PTPRA: variants seen among roughly 807,000 people sequenced by gnomAD.
PTPRA encodes the protein protein tyrosine phosphatase receptor type A.
In PTPRA, 25 loss-of-function variants were observed where a neutral mutation model predicts 104.8. The observed-to-expected ratio is 0.24, with a 90% CI of 0.17 to 0.33. The LOEUF is 0.33. Ranked by LOEUF, PTPRA falls within the 10% of genes least tolerant of loss-of-function variation. The pLI is 1.00. For synonymous variants in PTPRA, 323 were observed against 368.9 expected (o/e 0.88, Z 1.43); for missense variants, 765 against 1,015.3 (o/e 0.75, Z 3.35).
At chr20:2,908,329 G>T (rs1395438083) in intron 1 of PTPRA, among the ~76,000 whole-genome samples, 2 of 152,088 alleles carry the variant, frequency 1.3e-5, no homozygotes, top group Admixed American at 1.3e-4. Context: ...AATTATATGA[G>T]AATTTTTTTT....
chr20:2,896,581 A>G (rs1335931064), intron 1 of PTPRA, among the ~76,000 whole-genome samples: 1 of 152,212 alleles, frequency 6.6e-6, no homozygotes, highest in African/African-American at 2.4e-5. Flanking sequence ...CATTTGAGAA[A>G]TAAGTTGCAA....
chr20:2,880,284 A>C (rs2089975456), intron 1 of PTPRA, among the ~76,000 whole-genome samples: 1 of 152,232 alleles, frequency 6.6e-6, no homozygotes, highest in Admixed American at 6.5e-5. Context: ...TTTATCTAAA[A>C]GATAAGATAA....
intron 13 of PTPRA, among the ~76,000 whole-genome samples, chr20:3,020,883 A>C (rs1365916487): frequency 6.6e-6 from 1 of 152,208 alleles, no homozygotes; most frequent in African/African-American, 2.4e-5. Context: ...TAGGCCTCTC[A>C]TGGCAGGTTT....
chr20:2,922,175 C>A (rs2060122254), intron 1 of PTPRA, among the ~76,000 whole-genome samples: 1 of 152,124 alleles, frequency 6.6e-6, no homozygotes. Flanking sequence ...TCTATACTAC[C>A]CTTACTGGAA....
chr20:2,909,862 T>G (rs2326010), intron 1 of PTPRA, among the ~76,000 whole-genome samples: 57,945 of 129,968 alleles, frequency 0.45, 13,720 homozygotes, highest in South Asian at 0.64. Context: ...ATATATATTA[T>G]ATAATATAAT....
rs2147937029 is a variant in PTPRA, at chr20:2,965,181, C to G, written c.394C>G (p.Pro132Ala). 6.2e-7 allele frequency: 1 copy of G among 1,612,642 alleles called. No individual in the cohort carries two copies. Among genetic ancestry groups the G allele is most frequent in the East Asian group, 2.2e-5 (1 of 44,854 alleles). ...GAATTCCAGCACCGCAGCAACCACT[C>G]CAGAAACTTTCCCTCCTTCAGGTAC... ...EGNSSTAATT[P>A]ETFPPSGNSD... The change falls in exon 5 of 24, where the codon CCA becomes GCA. Residue 132 changes from proline to alanine, a missense_variant. Coordinates refer to ENST00000399903, the MANE Select transcript of PTPRA (RefSeq NM_001385305.1).
chr20:2,989,742 G>A (rs997265847), intron 9 of PTPRA, among the ~76,000 whole-genome samples: 2 of 152,202 alleles, frequency 1.3e-5, no homozygotes, highest in East Asian at 1.9e-4. Context: ...ACTCAGCTGG[G>A]CACGGTGGCT....
intron 20 of PTPRA, among the ~76,000 whole-genome samples, chr20:3,031,792 G>C (rs1308303712): frequency 6.6e-6 from 1 of 151,904 alleles, no homozygotes; most frequent in East Asian, 1.9e-4. Context: ...TTTGAGTTCT[G>C]TTTTTGAGCG....
At chr20:2,952,099 A>G (rs977051372) in intron 3 of PTPRA, among the ~76,000 whole-genome samples, 1 of 151,654 alleles carries the variant, frequency 6.6e-6, no homozygotes, top group Non-Finnish European at 1.5e-5. Flanking sequence ...CAGCCTGGTG[A>G]CAGAGCGAGA....
Position 3,038,370 on chromosome 20 carries a change from TC to T in PTPRA, c.*239del, listed in dbSNP as rs2065903328. ...TGATGTTTGGATTGATATCGTGAAA[TC>T]CTCAGCCGAGAAATTGGGCTGGATT... On this transcript the variant is annotated 3_prime_UTR_variant, in exon 24 of 24. Coordinates refer to ENST00000399903, the MANE Select transcript of PTPRA (RefSeq NM_001385305.1). 1 of 418,134 alleles carries T rather than the reference TC, an allele frequency of 2.4e-6. No individual in the cohort carries two copies. The highest frequency in any genetic ancestry group is 3.1e-5 in the South Asian group (1 of 32,732). The allele number at this position is 418,134 out of a possible 1,614,324, so 25.9% of individuals were successfully genotyped here. A position where few individuals can be genotyped will look rare whatever the true frequency, so the allele number is the denominator to read the frequency against.
intron 5 of PTPRA, among the ~76,000 whole-genome samples, chr20:2,973,728 C>T (rs1387062037): frequency 6.6e-6 from 1 of 152,178 alleles, no homozygotes; most frequent in Non-Finnish European, 1.5e-5. Context: ...TAGCTCACAT[C>T]CCGTTGGCTA....
At chr20:2,991,421 A>T (rs190099901) in intron 9 of PTPRA, among the ~76,000 whole-genome samples, 1 of 152,124 alleles carries the variant, frequency 6.6e-6, no homozygotes. Context: ...CAGCCTCAGT[A>T]CCATAGCTGG....
At chr20:2,989,828 T>G (rs376241685) in intron 9 of PTPRA, among the ~76,000 whole-genome samples, 8 of 152,024 alleles carry the variant, frequency 5.3e-5, no homozygotes, top group Non-Finnish European at 7.4e-5. Context: ...CCATCCTGGC[T>G]AACACAGTGA....
chr20:2,872,206 G>A (rs1455877568), upstream of PTPRA, among the ~76,000 whole-genome samples: 2 of 152,036 alleles, frequency 1.3e-5, no homozygotes, highest in Admixed American at 6.5e-5. This position sits in a 1 kb window ranked among gnomAD's most constrained non-coding sequence, Gnocchi z 7.9. Flanking sequence ...GGTGGGGACC[G>A]GAGATGGTAG....
intron 1 of PTPRA, among the ~76,000 whole-genome samples, chr20:2,912,445 G>A (rs891531871): frequency 4.0e-5 from 6 of 151,726 alleles, no homozygotes; most frequent in Admixed American, 3.3e-4. Context: ...GCAACGTGGC[G>A]AAACTCCGTC....
rs749058968 is a variant in PTPRA at position 2,965,025 on chromosome 20, A to G, written c.238A>G (p.Asn80Asp). 6.2e-7 allele frequency: 1 copy of G among 1,614,142 alleles called. No individual in the cohort carries two copies. The highest frequency in any genetic ancestry group is 1.3e-5 in the African/African-American group (1 of 75,026). The change falls in exon 5 of 24, where the codon AAT (asparagine) becomes GAT (aspartate). Residue 80 changes from asparagine to aspartate, a missense_variant. By Grantham distance (23) the Asn-to-Asp change is conservative. Around this residue, in one of 4 missense-constraint regions of PTPRA, gnomAD observed 256 missense variants for 248.9 expected, o/e 1.03. Transcript: ENST00000399903. ...GGGACCCACCTATTTAACCACTGTCAATTCTTCAGACTCTGACAATGGGAC... is the reference window on the plus strand; with the variant it reads ...GGGACCCACCTATTTAACCACTGTCGATTCTTCAGACTCTGACAATGGGAC... ...TLGPTYLTTV[N>D]SSDSDNGTTR...
intron 1 of PTPRA, among the ~76,000 whole-genome samples, chr20:2,914,040 C>G (rs952560245): frequency 3.3e-5 from 5 of 152,098 alleles, no homozygotes; most frequent in Non-Finnish European, 5.9e-5. Context: ...TATGGACTTA[C>G]GGATTCATAT....
At chr20:2,874,324 C>T (rs1037649526) in intron 1 of PTPRA, among the ~76,000 whole-genome samples, 5 of 151,748 alleles carry the variant, frequency 3.3e-5, no homozygotes, top group Non-Finnish European at 5.9e-5. Flanking sequence ...GGTCCCCTCC[C>T]TTTTTACTTT....
chr20:2,894,350 A>C (rs1057191694), intron 1 of PTPRA, among the ~76,000 whole-genome samples: 1 of 152,222 alleles, frequency 6.6e-6, no homozygotes, highest in Non-Finnish European at 1.5e-5. Flanking sequence ...TAAGTGAGTC[A>C]GGGGTTCCAA....
Sources: gnomAD v4.1 joint callset for allele counts (sites outside exome capture counted in the v4.1 genomes callset) on GRCh38, gnomAD v4.1.1 for gene constraint, gnomAD v4.1.1 regional missense constraint, Gnocchi (gnomAD v3.1) non-coding constraint, MANE v1.5 for transcripts, NCBI Gene and HGNC (gene_info 2026-07-23, HGNC 2026-07-21) for gene names.